MEGF6: variants seen among roughly 807,000 people sequenced by gnomAD.
The protein encoded by MEGF6 is multiple EGF like domains 6, also known as multiple epidermal growth factor-like domains protein 6.
MEGF6 carries 184 observed loss-of-function variants against 207.1 expected under a neutral mutation model. That is an observed-to-expected ratio of 0.89 (90% CI 0.79 to 1.00). The LOEUF (loss-of-function observed/expected upper bound fraction) is 1.00, where lower values mean the gene tolerates loss of function less well. Among genes scored for constraint, MEGF6 ranks in the 50% least tolerant of loss-of-function variants. MEGF6 has a pLI of 0.00. For synonymous variants in MEGF6, 1,038 were observed against 910.0 expected, an observed-to-expected ratio of 1.14 and a Z score of -2.53; for missense variants, 2,282 against 2,202.9, an observed-to-expected ratio of 1.04 and a Z score of -0.72.
rs549561932 is a variant in MEGF6, at chr1:3,575,604, T to C, written c.481+4221A>G. 6.9e-5 allele frequency among the ~76,000 whole-genome samples: 10 copies of C among 143,940 alleles called. No individual in the cohort carries two copies. The Admixed American group carries it at 7.1e-4, about 10-fold the overall frequency. 94.4% of individuals were successfully genotyped at this position (143,940 alleles called of 152,430 possible). On this transcript the variant is annotated intron_variant, in intron 4 of 36. Coordinates refer to ENST00000356575, the MANE Select transcript of MEGF6 (RefSeq NM_001409.4). ...CGTGGCTGGGGAGGCCTCACAATCA[T>C]GGCAGAAGGCAAGGAGGAGCAAGTC...
intron 1 of MEGF6, among the ~76,000 whole-genome samples, chr1:3,604,020 G>A (rs115121859): frequency 7.5e-4 from 114 of 152,332 alleles, no homozygotes; most frequent in African/African-American, 2.6e-3. Flanking sequence ...GCAAATGGCA[G>A]GGCCTCACCA....
intron 5 of MEGF6, 53 bp from the exon 6 acceptor site, chr1:3,515,580 G>A: frequency 6.3e-7 from 1 of 1,588,142 alleles, no homozygotes; most frequent in Non-Finnish European, 8.6e-7. Flanking sequence ...CTGGCCGACA[G>A]TCTGTCCCTG....
intron 3 of MEGF6, among the ~76,000 whole-genome samples, chr1:3,586,393 G>C (rs1443652969): frequency 6.6e-6 from 1 of 152,214 alleles, no homozygotes; most frequent in East Asian, 1.9e-4. Flanking sequence ...GTATGCGTGT[G>C]TGTGTGCCAA....
chr1:3,597,149 G>A (rs917256197), intron 2 of MEGF6, among the ~76,000 whole-genome samples: 3 of 152,242 alleles, frequency 2.0e-5, no homozygotes, highest in East Asian at 1.9e-4. Context: ...GCTGGTTCAC[G>A]CAGGGCTGGG....
intron 3 of MEGF6, among the ~76,000 whole-genome samples, chr1:3,586,326 C>T (rs767790726): frequency 1.4e-4 from 21 of 152,344 alleles, no homozygotes; most frequent in African/African-American, 4.3e-4. Flanking sequence ...GCCTTGTGCA[C>T]GCTCGAGTGA....
At chr1:3,506,341 C>A (rs1261218009) in intron 14 of MEGF6, 105 bp from the exon 15 acceptor site, 24 of 1,402,298 alleles carry the variant, frequency 1.7e-5, no homozygotes, top group Admixed American at 4.7e-5. Flanking sequence ...AGCACAGGAG[C>A]TGGGAGCAGC....
At chr1:3,524,372 G>A in intron 4 of MEGF6, 126 bp from the exon 5 acceptor site, 2 of 1,242,782 alleles carry the variant, frequency 1.6e-6, no homozygotes, top group African/African-American at 1.5e-5. Context: ...CCACCCATGA[G>A]CCCCTCACCC....
intron 5 of MEGF6, among the ~76,000 whole-genome samples, chr1:3,519,289 TGCTAGC>T (rs1171008495): frequency 2.6e-5 from 4 of 152,208 alleles, no homozygotes; most frequent in Non-Finnish European, 5.9e-5. Context: ...TATAGACAAG[TGCTAGC>T]AGTGCCCTAT....
chr1:3,590,569 G>A (rs1432113283), intron 3 of MEGF6, among the ~76,000 whole-genome samples: 1 of 152,152 alleles, frequency 6.6e-6, no homozygotes, highest in African/African-American at 2.4e-5. Flanking sequence ...CCAGTCTCAC[G>A]GGCGTTAGCC....
chr1:3,611,075 G>A lies in MEGF6; in HGVS notation c.131+63C>T. ...AAGCCTCGGAGCTCGGTCCACCACGGGCCTCCAGAGGCCCCGGGGTCCCTG... is the reference window on the plus strand; with the variant it reads ...AAGCCTCGGAGCTCGGTCCACCACGAGCCTCCAGAGGCCCCGGGGTCCCTG... On this transcript the variant is annotated intron_variant, in intron 1 of 36. Transcript: ENST00000356575. 2.8e-6 allele frequency: 4 copies of A among 1,403,724 alleles called. No individual in the cohort carries two copies. The African/African-American group carries it at 6.1e-5, about 21-fold the overall frequency. 87.0% of individuals were successfully genotyped at this position (1,403,724 alleles called of 1,614,324 possible).
At chr1:3,495,742 A>G in intron 30 of MEGF6, 148 bp downstream of exon 30, 1 of 1,016,510 alleles carries the variant, frequency 9.8e-7, no homozygotes, top group Admixed American at 2.6e-5. Context: ...CAGCACTCTC[A>G]TCTCAGCCCC....
intron 17 of MEGF6, among the ~76,000 whole-genome samples, chr1:3,503,822 G>A (rs1640998607): frequency 6.6e-6 from 1 of 152,094 alleles, no homozygotes; most frequent in Admixed American, 6.6e-5. Context: ...CCATGTCCGC[G>A]CACTGATGAA....
intron 5 of MEGF6, among the ~76,000 whole-genome samples, chr1:3,520,418 C>T (rs187066029): frequency 1.4e-4 from 22 of 152,332 alleles, no homozygotes; most frequent in Non-Finnish European, 2.6e-4. Context: ...CCCAGACACT[C>T]GGGCCAGACC....
In MEGF6 at chr1:3,511,603, A is replaced by C; in HGVS notation, c.1061T>G (p.Leu354Arg). ...CTCGTAGCCGCGGGGACATGTGCAC[A>C]GGGGCCCAGCACTGGTGTGGCTGCA... ...HGCSHTSAGP[L>R]CTCPRGYELD... The change falls in exon 9 of 37, where the codon CTG (leucine) becomes CGG (arginine). Residue 354 changes from leucine to arginine, a missense_variant. By Grantham distance (102) the Leu-to-Arg change is moderately radical. Coordinates refer to ENST00000356575, the MANE Select transcript of MEGF6 (RefSeq NM_001409.4). 6.2e-7 allele frequency: 1 copy of C among 1,612,402 alleles called. No individual in the cohort carries two copies.
rs75716600 is a variant in MEGF6 at position 3,556,321 on chromosome 1, A to G, written c.481+23504T>C. On this transcript the variant is annotated intron_variant, in intron 4 of 36. Coordinates refer to ENST00000356575, the MANE Select transcript of MEGF6 (RefSeq NM_001409.4). This position sits in a 1 kb window ranked among gnomAD's most constrained non-coding sequence, Gnocchi z 4.4. ...AACTCCATGATCTTGGCACAAAGAC[A>G]CCCCCATGAGCTCCCAGAGGTGACA... 0.034 allele frequency among the ~76,000 whole-genome samples: 5,235 copies of G among 152,200 alleles called. 323 individuals are homozygous for G. Among genetic ancestry groups the G allele is most frequent in the African/African-American group, 0.12 (4,980 of 41,478 alleles).
chr1:3,558,514 C>G (rs564519892), intron 4 of MEGF6, among the ~76,000 whole-genome samples: 3 of 152,142 alleles, frequency 2.0e-5, no homozygotes, highest in Non-Finnish European at 2.9e-5. Flanking sequence ...AACCCTACCC[C>G]CTTCCTGCCC....
upstream of MEGF6, among the ~76,000 whole-genome samples, chr1:3,615,755 C>G (rs147310999): frequency 3.5e-4 from 54 of 152,324 alleles, no homozygotes; most frequent in East Asian, 9.3e-3. Context: ...CTCCACCCCC[C>G]ACCCTATCCA....
chr1:3,511,021 G>T, intron 9 of MEGF6, 119 bp from the exon 10 acceptor site: 1 of 1,405,860 alleles, frequency 7.1e-7, no homozygotes, highest in Non-Finnish European at 9.6e-7. Context: ...ACCTGCAGCT[G>T]CCCACAGCCT....
the MEGF6 span, among the ~76,000 whole-genome samples, chr1:3,618,536 G>C: frequency 6.6e-6 from 1 of 152,172 alleles, no homozygotes; most frequent in African/African-American, 2.4e-5. The surrounding 1 kb of genome is among the most constrained non-coding windows in gnomAD (Gnocchi z 4.7). Context: ...AGAACTGCAC[G>C]AGAATGACAC....
Sources: allele counts gnomAD v4.1 joint callset (sites outside exome capture counted in the v4.1 genomes callset), GRCh38; gene constraint gnomAD v4.1.1; non-coding constraint Gnocchi (gnomAD v3.1); transcripts MANE v1.5; gene names NCBI Gene and HGNC (gene_info 2026-07-23, HGNC 2026-07-21).